The following BATF2 variants were observed in gnomAD, a reference collection of about 807,000 sequenced individuals.
The protein encoded by BATF2 is basic leucine zipper ATF-like transcription factor 2, also known as basic leucine zipper transcriptional factor ATF-like 2.
Under a neutral mutation model 7.3 loss-of-function variants are expected in BATF2, and 4 were observed. That is an observed-to-expected ratio of 0.55 (90% CI 0.27 to 1.26). The LOEUF (loss-of-function observed/expected upper bound fraction) is 1.26, where lower values mean the gene tolerates loss of function less well. Among genes scored for constraint, BATF2 ranks in the 50% most tolerant of loss-of-function variants. The pLI is 0.11. For synonymous variants in BATF2, 152 were observed against 153.9 expected (o/e 0.99, Z 0.09); for missense variants, 295 against 340.5 (o/e 0.87, Z 1.05).
At position 64,989,500 on chromosome 11, in the gene BATF2, G is replaced by A. The variant is rs1946054303; in HGVS notation, c.454C>T (p.Pro152Ser). ...GGGCCAAGGGACAGTGAGGGCAGGG[G>A]GCACTGGAGGAGGCTGGGAGAATCA... ...PHDSPSLLQCPLPSLSLGPAV... is the reference protein window; with the variant it reads ...PHDSPSLLQCSLPSLSLGPAV... The change falls in exon 3 of 3, where the codon CCC becomes TCC. Residue 152 changes from proline (P) to serine (S), a missense_variant. Pro to Ser is a moderately conservative substitution (Grantham distance 74). Transcript: ENST00000301887. The surrounding 1 kb of genome is among the most constrained non-coding windows in gnomAD (Gnocchi z 4.3). 1 of 1,605,646 alleles carries A rather than the reference G, an allele frequency of 6.2e-7. No individual in the cohort carries two copies. The highest frequency in any genetic ancestry group is 1.3e-5 in the African/African-American group (1 of 74,930).
intron 2 of BATF2, among the ~76,000 whole-genome samples, chr11:64,993,109 C>T (rs926172618): frequency 6.6e-6 from 1 of 152,122 alleles, no homozygotes; most frequent in African/African-American, 2.4e-5. Context: ...CCTGTAATCC[C>T]AGCACTTTGG....
At chr11:64,990,223 T>G in intron 2 of BATF2, 2 of 1,534,084 alleles carry the variant, frequency 1.3e-6, no homozygotes. Context: ...TCCAGGCCTG[T>G]GTAGTGGCTG....
At chr11:64,994,820 A>G (rs950839875) in intron 1 of BATF2, among the ~76,000 whole-genome samples, 10 of 152,122 alleles carry the variant, frequency 6.6e-5, no homozygotes, top group Non-Finnish European at 1.5e-4. Flanking sequence ...TCAAACTCAG[A>G]CAGAGCCAAC....
At chr11:64,990,361 T>C (rs960062674) in intron 2 of BATF2, 2 of 1,442,968 alleles carry the variant, frequency 1.4e-6, no homozygotes, top group Non-Finnish European at 1.8e-6. Context: ...TCCGCCGCCC[T>C]TCTCTGTGCA....
chr11:64,989,515 T>C lies in BATF2; in HGVS notation c.439A>G (p.Ser147Gly), dbSNP rs1202770544. The C allele has an allele frequency of 1.3e-6, 2 of 1,599,488 alleles. No individual in the cohort carries two copies. Among genetic ancestry groups the C allele is most frequent in the African/African-American group, 1.3e-5 (1 of 74,634 alleles). Residue 147 changes from serine (S) to glycine (G), a missense_variant, in exon 3 of 3, where the codon AGC becomes GGC. Physicochemically the swap from Ser to Gly is moderately conservative, Grantham distance 56 (BLOSUM62 0). Transcript: ENST00000301887. This position sits in a 1 kb window ranked among gnomAD's most constrained non-coding sequence, Gnocchi z 4.3. ...GAGGGCAGGGGGCACTGGAGGAGGC[T>C]GGGAGAATCATGAGGCTGTGGACCT... ...SPGPQPHDSPSLLQCPLPSLS... is the reference protein window; with the variant it reads ...SPGPQPHDSPGLLQCPLPSLS...
Position 64,988,789 on chromosome 11 carries a change from C to T in BATF2, c.*340G>A. 3.1e-6 allele frequency: 1 copy of T among 324,066 alleles called. No homozygotes were observed. Among genetic ancestry groups the T allele is most frequent in the Non-Finnish European group, 5.9e-6 (1 of 170,360 alleles). 20.1% of individuals were successfully genotyped at this position (324,066 alleles called of 1,614,324 possible). ...AGCCCCTAGGATGCCTGGGCCAGGA[C>T]AGGAGAAGGAGGAGCAGAGGGTGGT... On this transcript the variant is annotated 3_prime_UTR_variant, in exon 3 of 3. Coordinates refer to ENST00000301887, the MANE Select transcript of BATF2 (RefSeq NM_138456.4).
chr11:64,993,337 C>A (rs1253938135), intron 2 of BATF2, among the ~76,000 whole-genome samples: 6 of 152,128 alleles, frequency 3.9e-5, no homozygotes, highest in Admixed American at 3.9e-4. Context: ...CCAGTCTGGG[C>A]AACAGAGTGA....
intron 1 of BATF2, among the ~76,000 whole-genome samples, chr11:64,996,565 G>C (rs565131732): frequency 6.6e-6 from 1 of 152,320 alleles, no homozygotes; most frequent in East Asian, 1.9e-4. Context: ...TTTGGAGAAG[G>C]AAGGAAAGGC....
Position 64,989,137 on chromosome 11 carries a change from G to A in BATF2, c.817C>T (p.His273Tyr), listed in dbSNP as rs749874102. Reference protein sequence around the residue: ...AFPLLSSAQVHF With the variant: ...AFPLLSSAQVYF ...CAGCTCCGAAGACCAGGTTAGAAGT[G>A]GACTTGAGCAGAGGAGAGCAGAGGA... is the stretch of plus-strand genomic sequence containing the variant. The change falls in exon 3 of 3, where the codon CAC becomes TAC. Residue 273 changes from histidine (H) to tyrosine (Y), a missense_variant. Physicochemically the swap from His to Tyr is moderately conservative, Grantham distance 83. Coordinates refer to ENST00000301887, the MANE Select transcript of BATF2 (RefSeq NM_138456.4). This position sits in a 1 kb window ranked among gnomAD's most constrained non-coding sequence, Gnocchi z 4.3. 1.2e-6 allele frequency: 2 copies of A among 1,614,002 alleles called. No homozygotes were observed. Among genetic ancestry groups the A allele is most frequent in the South Asian group, 1.1e-5 (1 of 91,074 alleles).
At chr11:64,990,699 G>C in intron 2 of BATF2, 2 of 844,086 alleles carry the variant, frequency 2.4e-6, no homozygotes, top group Non-Finnish European at 2.9e-6. Flanking sequence ...TAAATTGAAC[G>C]ACTTCCTTCA....
At position 64,996,952 on chromosome 11, in the gene BATF2, G is replaced by A; in HGVS notation, c.-38C>T. 2 of 1,552,224 alleles carry A rather than the reference G, an allele frequency of 1.3e-6. No homozygotes were observed. The highest frequency in any genetic ancestry group is 2.4e-5 in the East Asian group (1 of 41,632). On this transcript the variant is annotated 5_prime_UTR_variant, in exon 1 of 3. Coordinates refer to ENST00000301887, the MANE Select transcript of BATF2 (RefSeq NM_138456.4). ...GGAGCAGAGTGGTCCCTCAGCAGCT[G>A]TGACTTCCCAGTGCCCTCTGGAGGC...
At chr11:64,994,653 C>T in intron 1 of BATF2, 104 bp from the exon 2 acceptor site, 2 of 1,114,656 alleles carry the variant, frequency 1.8e-6, no homozygotes, top group South Asian at 2.7e-5. Context: ...GAGTCAAGTT[C>T]CCAAGGGTCT....
chr11:64,990,466 A>G, intron 2 of BATF2: 3 of 1,266,496 alleles, frequency 2.4e-6, no homozygotes, highest in Non-Finnish European at 3.0e-6. Context: ...ACTCGCCCCT[A>G]CGAGCACTGT....
At chr11:64,994,771 G>A (rs765735105) in intron 1 of BATF2, among the ~76,000 whole-genome samples, 4 of 152,244 alleles carry the variant, frequency 2.6e-5, no homozygotes, top group Non-Finnish European at 5.9e-5. Context: ...CTCATGTGGA[G>A]GGTGGGAGGG....
Position 64,988,475 on chromosome 11 carries a change from AC to A in BATF2, c.*653del, listed in dbSNP as rs1946041760. 6.6e-6 allele frequency: 1 copy of A among 152,362 alleles called. No individual in the cohort carries two copies. Among genetic ancestry groups the A allele is most frequent in the Admixed American group, 6.5e-5 (1 of 15,282 alleles). 9.4% of individuals were successfully genotyped at this position (152,362 alleles called of 1,614,324 possible). A position where few individuals can be genotyped will look rare whatever the true frequency, so the allele number is the denominator to read the frequency against. ...CAGAAGCCTTGGTGTGGCTATGGGT[AC>A]CCAGGCTGTAGAAATCCCAGATGGT... On this transcript the variant is annotated 3_prime_UTR_variant, in exon 3 of 3. Coordinates refer to ENST00000301887, the MANE Select transcript of BATF2 (RefSeq NM_138456.4).
chr11:64,991,737 G>T (rs1219824877), intron 2 of BATF2, among the ~76,000 whole-genome samples: 1 of 152,166 alleles, frequency 6.6e-6, no homozygotes, highest in Non-Finnish European at 1.5e-5. Flanking sequence ...CTGTGGGTGG[G>T]GCTGGGGTGG....
rs1946036820 is a variant in BATF2, at chr11:64,988,033, T to G, written c.*1096A>C. 6.6e-6 allele frequency: 1 copy of G among 152,232 alleles called. No homozygotes were observed. The highest frequency in any genetic ancestry group is 1.5e-5 in the Non-Finnish European group (1 of 68,050). 9.4% of individuals were successfully genotyped at this position (152,232 alleles called of 1,614,324 possible). A position where few individuals can be genotyped will look rare whatever the true frequency, so the allele number is the denominator to read the frequency against. ...GTGTGTTAGATACTAACATAGTGTT[T>G]CATTTACATGTGTGTGAAACCTGGG... On this transcript the variant is annotated 3_prime_UTR_variant, in exon 3 of 3. Transcript: ENST00000301887.
At position 64,989,854 on chromosome 11, in the gene BATF2, T is replaced by G. The variant is rs760551049; in HGVS notation, c.142-42A>C. 6 of 1,606,714 alleles carry G rather than the reference T, an allele frequency of 3.7e-6. No homozygotes were observed. The highest frequency in any genetic ancestry group is 5.1e-6 in the Non-Finnish European group (6 of 1,176,050). On this transcript the variant is annotated intron_variant, in intron 2 of 2. Transcript: ENST00000301887. This position sits in a 1 kb window ranked among gnomAD's most constrained non-coding sequence, Gnocchi z 4.3. Reference sequence around the variant, plus strand: ...GGGCGGGGAGGGGAACCTCAGCCAGTGTCAGGGGCCCCGCATGAGCCTTAG... The same window carrying G: ...GGGCGGGGAGGGGAACCTCAGCCAGGGTCAGGGGCCCCGCATGAGCCTTAG...
At chr11:64,993,511 T>A (rs988569569) in intron 2 of BATF2, among the ~76,000 whole-genome samples, 3 of 152,212 alleles carry the variant, frequency 2.0e-5, no homozygotes, top group Non-Finnish European at 4.4e-5. Flanking sequence ...CTGAATTGGC[T>A]GGCACCTTGA....
Sources: gnomAD v4.1 joint callset for allele counts (sites outside exome capture counted in the v4.1 genomes callset) on GRCh38, gnomAD v4.1.1 for gene constraint, Gnocchi (gnomAD v3.1) non-coding constraint, MANE v1.5 for transcripts, NCBI Gene and HGNC (gene_info 2026-07-23, HGNC 2026-07-21) for gene names.